Variants in MEGF11 observed in about 807,000 individuals in gnomAD.
MEGF11 encodes the protein multiple epidermal growth factor-like domains protein 11.
Under a neutral mutation model 146.6 loss-of-function variants are expected in MEGF11, and 126 were observed. The observed-to-expected ratio is 0.86, with a 90% CI of 0.74 to 1.00. The LOEUF (loss-of-function observed/expected upper bound fraction) is 1.00, where lower values mean the gene tolerates loss of function less well. MEGF11 is among the 50% of genes least tolerant of loss of function. MEGF11 has a pLI of 0.00. For synonymous variants in MEGF11, 532 were observed against 583.4 expected, an observed-to-expected ratio of 0.91 and a Z score of 1.27; for missense variants, 1,509 against 1,521.2, an observed-to-expected ratio of 0.99 and a Z score of 0.13.
At chr15:66,077,417 C>T (rs533228280) in intron 5 of MEGF11, among the ~76,000 whole-genome samples, 4 of 152,214 alleles carry the variant, frequency 2.6e-5, no homozygotes, top group Admixed American at 6.5e-5. Context: ...TCTTGGGGCA[C>T]GTGTCTGGCC....
intron 5 of MEGF11, among the ~76,000 whole-genome samples, chr15:66,066,569 C>T (rs567319739): frequency 5.2e-4 from 79 of 152,364 alleles, no homozygotes; most frequent in African/African-American, 1.8e-3. Context: ...AAGTGGCCTG[C>T]GTCCAAGTGG....
intron 1 of MEGF11, among the ~76,000 whole-genome samples, chr15:66,237,426 G>A (rs987237777): frequency 2.6e-5 from 4 of 152,170 alleles, no homozygotes; most frequent in African/African-American, 9.7e-5. Context: ...ATGTTTTAGT[G>A]CCTAACATCT....
At chr15:65,971,352 C>A (rs1187516585) in intron 7 of MEGF11, 1 of 152,632 alleles carries the variant, frequency 6.6e-6, no homozygotes, top group Non-Finnish European at 1.5e-5. Flanking sequence ...GACACTGGGA[C>A]CCTCCGAAGG....
At chr15:66,127,649 C>T (rs1013084182) in intron 2 of MEGF11, among the ~76,000 whole-genome samples, 1 of 152,220 alleles carries the variant, frequency 6.6e-6, no homozygotes. Flanking sequence ...GATTGGGTCT[C>T]TGGTCACTGT....
At chr15:65,928,337 T>A in intron 13 of MEGF11, 88 bp downstream of exon 13, 1 of 737,952 alleles carries the variant, frequency 1.4e-6, no homozygotes, top group Non-Finnish European at 2.2e-6. Flanking sequence ...AGAAGAGAGG[T>A]ATTGAAGAAG....
chr15:65,930,433 C>T (rs902729208), intron 11 of MEGF11, among the ~76,000 whole-genome samples: 13 of 152,108 alleles, frequency 8.5e-5, no homozygotes, highest in African/African-American at 3.1e-4. Context: ...CTGCCTGGGG[C>T]CTCAGGTGGT....
At position 65,944,755 on chromosome 15, in the gene MEGF11, T is replaced by G. The variant is rs73479398; in HGVS notation, c.1287+12792A>C. Among the ~76,000 whole-genome samples the G allele has an allele frequency of 3.2e-3, 488 of 152,194 alleles. 1 individual carries two copies. Among genetic ancestry groups the G allele is most frequent in the African/African-American group, 0.011 (475 of 41,514 alleles). ...ATTATAAAAACAATTATAGGCTGAA[T>G]GCAAAGACAGCCCAGAATTTAACAC... On this transcript the variant is annotated intron_variant, in intron 10 of 25. Transcript: ENST00000395614.
At chr15:66,008,407 G>A (rs1991144) in intron 5 of MEGF11, among the ~76,000 whole-genome samples, 4,101 of 82,280 alleles carry the variant, frequency 0.05, 222 homozygotes, top group African/African-American at 0.16. Flanking sequence ...GCACACGCGC[G>A]CGCGCACACA....
intron 1 of MEGF11, among the ~76,000 whole-genome samples, chr15:66,251,014 T>A (rs1220009566): frequency 3.3e-5 from 5 of 152,180 alleles, no homozygotes; most frequent in Non-Finnish European, 7.3e-5. Context: ...ATACTGCCCA[T>A]CTGACCCCAC....
intron 5 of MEGF11, among the ~76,000 whole-genome samples, chr15:66,068,181 A>C (rs542974328): frequency 5.9e-5 from 9 of 152,340 alleles, no homozygotes; most frequent in Admixed American, 2.0e-4. Flanking sequence ...GTGAGCCCCA[A>C]TAGGGCAGGG....
chr15:66,030,042 G>A (rs191987444), intron 5 of MEGF11, among the ~76,000 whole-genome samples: 55 of 152,296 alleles, frequency 3.6e-4, no homozygotes, highest in Non-Finnish European at 3.5e-4. Context: ...AGCGCTAAGC[G>A]GGATCATAAT....
chr15:66,064,471 T>C (rs987733577), intron 5 of MEGF11, among the ~76,000 whole-genome samples: 4 of 152,148 alleles, frequency 2.6e-5, no homozygotes, highest in African/African-American at 9.7e-5. Flanking sequence ...TCAGGACAAT[T>C]AATGAATTAG....
At chr15:66,211,819 G>A (rs16949697) in intron 1 of MEGF11, among the ~76,000 whole-genome samples, 17,364 of 151,704 alleles carry the variant, frequency 0.11, 1,177 homozygotes, top group African/African-American at 0.19. Flanking sequence ...AAAATGCTAC[G>A]CTAAGGCTCA....
chr15:66,014,145 G>A (rs1289427575), intron 5 of MEGF11, among the ~76,000 whole-genome samples: 3 of 152,216 alleles, frequency 2.0e-5, no homozygotes, highest in Non-Finnish European at 2.9e-5. Context: ...TAGTGATGGG[G>A]ATCGTGAAGA....
intron 1 of MEGF11, among the ~76,000 whole-genome samples, chr15:66,141,593 G>T (rs2089170877): frequency 1.3e-5 from 2 of 152,026 alleles, no homozygotes. Flanking sequence ...GTTCTCCCAA[G>T]GATGGTACAT....
chr15:66,059,615 A>C (rs1405179884), intron 5 of MEGF11, among the ~76,000 whole-genome samples: 2 of 150,438 alleles, frequency 1.3e-5, no homozygotes, highest in African/African-American at 4.9e-5. Flanking sequence ...GCGCTAGCCA[A>C]CCAGTTGCCC....
At chr15:66,142,545 A>G (rs1342651014) in intron 1 of MEGF11, among the ~76,000 whole-genome samples, 1 of 152,222 alleles carries the variant, frequency 6.6e-6, no homozygotes, top group Non-Finnish European at 1.5e-5. Flanking sequence ...TCAGTGAGTA[A>G]GCGTGGGAAG....
intron 4 of MEGF11, among the ~76,000 whole-genome samples, chr15:66,105,762 C>G (rs2087042314): frequency 6.7e-6 from 1 of 149,234 alleles, no homozygotes; most frequent in Admixed American, 6.6e-5. Context: ...GCTGAGCAAA[C>G]AGAGTCCTCT....
chr15:66,193,906 A>G (rs1444367837), intron 1 of MEGF11, among the ~76,000 whole-genome samples: 2 of 152,206 alleles, frequency 1.3e-5, no homozygotes, highest in Non-Finnish European at 2.9e-5. Flanking sequence ...CCACAGAACA[A>G]GTAGCTCAAA....
Sources: allele counts gnomAD v4.1 joint callset (sites outside exome capture counted in the v4.1 genomes callset), GRCh38; gene constraint gnomAD v4.1.1; transcripts MANE v1.5; gene names NCBI Gene and HGNC (gene_info 2026-07-23, HGNC 2026-07-21).